The following MARCHF6 variants were observed in gnomAD, a reference collection of about 807,000 sequenced individuals.
MARCHF6 encodes the protein E3 ubiquitin-protein ligase MARCHF6.
A neutral mutation model predicts 133.7 loss-of-function variants in MARCHF6; 31 were observed. The observed-to-expected ratio is 0.23, with a 90% confidence interval of 0.17 to 0.31. MARCHF6 has a LOEUF of 0.31. Among genes scored for constraint, MARCHF6 ranks in the 10% least tolerant of loss-of-function variants. The pLI is 1.00. For synonymous variants in MARCHF6, 395 were observed against 402.5 expected, an observed-to-expected ratio of 0.98 and a Z score of 0.22; for missense variants, 723 against 1,121.6, an observed-to-expected ratio of 0.64 and a Z score of 5.08.
At chr5:10,394,168 C>A (rs1475652562) in intron 8 of MARCHF6, 25 bp downstream of exon 8, 1 of 1,464,526 alleles carries the variant, frequency 6.8e-7, no homozygotes, top group Non-Finnish European at 9.3e-7. Flanking sequence ...TGTCAAGTAT[C>A]CTGGTGTTTT....
rs1740727108 is a variant in MARCHF6, at chr5:10,438,404, G to A, written c.*4720G>A. On this transcript the variant is annotated 3_prime_UTR_variant, in exon 26 of 26. Transcript: ENST00000274140. ...CATTTTTAATTACTTTAAATGCAGGGGTGATAGAGGAAATGCTATTCGAAC... is the reference window on the plus strand; with the variant it reads ...CATTTTTAATTACTTTAAATGCAGGAGTGATAGAGGAAATGCTATTCGAAC... 6.6e-6 allele frequency: 1 copy of A among 152,148 alleles called. No homozygotes were observed. Among genetic ancestry groups the A allele is most frequent in the South Asian group, 2.1e-4 (1 of 4,826 alleles). 9.4% of individuals were successfully genotyped at this position (152,148 alleles called of 1,614,324 possible). A position where few individuals can be genotyped will look rare whatever the true frequency, so the allele number is the denominator to read the frequency against.
At chr5:10,376,078 G>C (rs902430863) in intron 1 of MARCHF6, among the ~76,000 whole-genome samples, 2 of 152,182 alleles carry the variant, frequency 1.3e-5, no homozygotes, top group African/African-American at 2.4e-5. Context: ...CCAGATAAGA[G>C]AATAAAAGCA....
intron 22 of MARCHF6, among the ~76,000 whole-genome samples, chr5:10,418,785 G>T (rs1739675383): frequency 6.6e-6 from 1 of 152,198 alleles, no homozygotes. Flanking sequence ...GGCTAGTGCA[G>T]TAATTTTCCT....
chr5:10,435,357 G>A lies in MARCHF6; in HGVS notation c.*1673G>A, dbSNP rs1294111455. ...CACAAGGAGGCGAGGCTATGCGTTC[G>A]AGGCCAACCTAGGCAAAATTGGAAA... On this transcript the variant is annotated 3_prime_UTR_variant, in exon 26 of 26. Coordinates refer to ENST00000274140, the MANE Select transcript of MARCHF6 (RefSeq NM_005885.4). 2.1e-4 allele frequency: 31 copies of A among 148,184 alleles called. No homozygotes were observed. The highest frequency in any genetic ancestry group is 6.8e-5 in the Admixed American group (1 of 14,704). 9.2% of individuals were successfully genotyped at this position (148,184 alleles called of 1,614,324 possible). A position where few individuals can be genotyped will look rare whatever the true frequency, so the allele number is the denominator to read the frequency against.
Position 10,357,266 on chromosome 5 carries a change from G to T in MARCHF6, c.19+3349G>T, listed in dbSNP as rs531253614. On this transcript the variant is annotated intron_variant, in intron 1 of 25. Transcript: ENST00000274140. ...GCAGTACAATATTGGAATAGATGTT[G>T]CAAGTGTTGATGTGCAGTTCTCAAA... 9.4e-5 allele frequency among the ~76,000 whole-genome samples: 14 copies of T among 149,168 alleles called. No homozygotes were observed. The South Asian group carries it at 1.3e-3, about 14-fold the overall frequency.
At chr5:10,383,505 G>C (rs1737279886) in intron 4 of MARCHF6, among the ~76,000 whole-genome samples, 1 of 152,166 alleles carries the variant, frequency 6.6e-6, no homozygotes, top group Admixed American at 6.5e-5. Context: ...AAGAAAATCA[G>C]AGTGGCATCA....
At chr5:10,428,076 AT>A in intron 24 of MARCHF6, among the ~76,000 whole-genome samples, 1 of 152,044 alleles carries the variant, frequency 6.6e-6, no homozygotes, top group East Asian at 1.9e-4. Context: ...AAAAAAAAAA[AT>A]TGCTCAACAC....
intron 3 of MARCHF6, among the ~76,000 whole-genome samples, chr5:10,379,256 A>G (rs1222125039): frequency 6.6e-6 from 1 of 151,754 alleles, no homozygotes. Context: ...TAATTCTACC[A>G]TTTGTAATTT....
In MARCHF6 at chr5:10,414,454, A is replaced by G; in HGVS notation, c.1918A>G (p.Met640Val). ...GCAGATATTTCTGTTGATTGTCTTC[A>G]TGTGTATAACATTACTGATTGCCAG... ...PLRIFLLIVF[M>V]CITLLIASLI... Residue 640 changes from methionine to valine, a missense_variant, in exon 20 of 26, where the codon ATG becomes GTG. This residue lies in a region of MARCHF6 where 492 missense variants were observed against 699.5 expected (regional missense o/e 0.70). Coordinates refer to ENST00000274140, the MANE Select transcript of MARCHF6 (RefSeq NM_005885.4). 6.2e-7 allele frequency: 1 copy of G among 1,613,110 alleles called. No individual in the cohort carries two copies. Among genetic ancestry groups the G allele is most frequent in the Non-Finnish European group, 8.5e-7 (1 of 1,179,292 alleles).
At chr5:10,422,799 A>G (rs1248382891) in intron 22 of MARCHF6, among the ~76,000 whole-genome samples, 1 of 151,412 alleles carries the variant, frequency 6.6e-6, no homozygotes, top group African/African-American at 2.5e-5. Context: ...TGAAAATGAT[A>G]CTACATACTT....
intron 24 of MARCHF6, among the ~76,000 whole-genome samples, chr5:10,427,880 C>A (rs1436672669): frequency 6.6e-6 from 1 of 152,062 alleles, no homozygotes; most frequent in Non-Finnish European, 1.5e-5. Context: ...CCAGTCTGAG[C>A]AACATGGCGA....
intron 5 of MARCHF6, among the ~76,000 whole-genome samples, chr5:10,387,503 A>G (rs1024695333): frequency 6.6e-6 from 1 of 151,162 alleles, no homozygotes; most frequent in Non-Finnish European, 1.5e-5. Flanking sequence ...GGGTTTCACC[A>G]TGTTGGTCAC....
intron 1 of MARCHF6, among the ~76,000 whole-genome samples, chr5:10,370,195 G>A (rs538005879): frequency 5.5e-5 from 8 of 146,642 alleles, no homozygotes; most frequent in African/African-American, 2.0e-4. Flanking sequence ...CAAGCTCCTG[G>A]GCTCAAGCAA....
intron 21 of MARCHF6, among the ~76,000 whole-genome samples, chr5:10,416,685 G>C (rs1739532264): frequency 2.0e-5 from 3 of 151,596 alleles, no homozygotes; most frequent in African/African-American, 7.3e-5. Flanking sequence ...TTTTTTTTTG[G>C]TCAGAATTTC....
intron 18 of MARCHF6, 118 bp from the exon 19 acceptor site, chr5:10,411,215 C>T: frequency 1.2e-6 from 1 of 801,692 alleles, no homozygotes; most frequent in Non-Finnish European, 2.0e-6. Context: ...ATGTGGTGCA[C>T]AAATTCTGTA....
intron 19 of MARCHF6, 43 bp downstream of exon 19, chr5:10,411,580 GT>G: frequency 2.6e-6 from 4 of 1,522,602 alleles, no homozygotes; most frequent in East Asian, 2.3e-5. Context: ...GGTTTTTTTG[GT>G]TTTTTTGTTC....
chr5:10,416,539 G>C (rs1156850257), intron 21 of MARCHF6, among the ~76,000 whole-genome samples: 4 of 152,162 alleles, frequency 2.6e-5, no homozygotes, highest in Admixed American at 2.0e-4. Flanking sequence ...CACATTATTA[G>C]AAAGTGCCAT....
At chr5:10,414,559 A>G (rs556108463) in intron 20 of MARCHF6, 57 bp downstream of exon 20, 9 of 1,381,298 alleles carry the variant, frequency 6.5e-6, no homozygotes, top group East Asian at 4.6e-5. Context: ...TTATTTAGCT[A>G]TTTGACAGAG....
At chr5:10,409,686 A>G (rs1016604820) in intron 17 of MARCHF6, among the ~76,000 whole-genome samples, 1 of 152,162 alleles carries the variant, frequency 6.6e-6, no homozygotes, top group Admixed American at 6.5e-5. Flanking sequence ...ACTGGGTTGG[A>G]GTGGCTAGGT....
Sources: allele counts gnomAD v4.1 joint callset (sites outside exome capture counted in the v4.1 genomes callset), GRCh38; gene constraint gnomAD v4.1.1; regional missense constraint gnomAD v4.1.1; transcripts MANE v1.5; gene names NCBI Gene and HGNC (gene_info 2026-07-23, HGNC 2026-07-21).